The following SRBD1 variants were observed in gnomAD, a reference collection of about 807,000 sequenced individuals.
The protein encoded by SRBD1 is S1 RNA binding domain 1, also known as S1 RNA-binding domain-containing protein 1.
Under a neutral mutation model 115.3 loss-of-function variants are expected in SRBD1, and 88 were observed. The observed-to-expected ratio is 0.76, with a 90% CI of 0.64 to 0.91. SRBD1 has a LOEUF of 0.91. Among genes scored for constraint, SRBD1 ranks in the 40% least tolerant of loss-of-function variants. The pLI, the probability that SRBD1 is intolerant of heterozygous loss-of-function variation, is 0.00. For synonymous variants in SRBD1, 509 were observed against 407.7 expected (o/e 1.25, Z -2.99); for missense variants, 1,385 against 1,177.4 (o/e 1.18, Z -2.58).
intron 4 of SRBD1, among the ~76,000 whole-genome samples, chr2:45,598,779 A>T (rs1389091854): frequency 6.6e-6 from 1 of 151,968 alleles, no homozygotes; most frequent in Non-Finnish European, 1.5e-5. Flanking sequence ...ATAGAATCAC[A>T]TGGGACAGAT....
intron 4 of SRBD1, among the ~76,000 whole-genome samples, chr2:45,589,070 T>C (rs557252581): frequency 7.9e-5 from 12 of 152,326 alleles, no homozygotes; most frequent in East Asian, 1.9e-4. Flanking sequence ...AATAGCATCT[T>C]TGATCTGAAC....
At chr2:45,394,534 A>C (rs1472153913) in intron 19 of SRBD1, among the ~76,000 whole-genome samples, 1 of 152,238 alleles carries the variant, frequency 6.6e-6, no homozygotes, top group Non-Finnish European at 1.5e-5. Flanking sequence ...GTCTATAATC[A>C]GAATGGGGAT....
At chr2:45,535,490 C>T (rs957927590) in intron 14 of SRBD1, among the ~76,000 whole-genome samples, 2 of 152,058 alleles carry the variant, frequency 1.3e-5, no homozygotes, top group South Asian at 2.1e-4. Context: ...ATCTATACAA[C>T]CTATTTTATT....
At chr2:45,569,441 GCCTCAGGGT>G (rs1166540661) in intron 9 of SRBD1, 1 of 152,180 alleles carries the variant, frequency 6.6e-6, no homozygotes, top group African/African-American at 2.4e-5. Context: ...CAATCCTCCT[GCCTCAGGGT>G]CCTGAGTAGC....
chr2:45,550,224 A>G (rs7581063), intron 12 of SRBD1, among the ~76,000 whole-genome samples: 7,418 of 152,158 alleles, frequency 0.049, 623 homozygotes, highest in African/African-American at 0.17. Context: ...AATAAACAAA[A>G]AGGAGAGAAG....
chr2:45,524,000 A>T (rs6544824), intron 14 of SRBD1, among the ~76,000 whole-genome samples: 142,313 of 152,102 alleles, frequency 0.94, 66,758 homozygotes, highest in African/African-American at 0.99. Flanking sequence ...TGATTCAACA[A>T]CCAAAAATCA....
intron 19 of SRBD1, 82 bp from the exon 20 acceptor site, chr2:45,393,211 C>A (rs1344709802): frequency 4.3e-6 from 6 of 1,387,050 alleles, no homozygotes; most frequent in Non-Finnish European, 3.8e-6. Flanking sequence ...CCCTAAAATT[C>A]ATTCATCTTA....
At chr2:45,530,392 T>C (rs904286421) in intron 14 of SRBD1, among the ~76,000 whole-genome samples, 5 of 151,906 alleles carry the variant, frequency 3.3e-5, no homozygotes, top group African/African-American at 1.2e-4. Context: ...CTAAATTACG[T>C]AGGATACACA....
Position 45,495,804 on chromosome 2 carries a change from C to T in SRBD1, c.1875-7473G>A, listed in dbSNP as rs148053427. ...ATAAACATTCCAGGTTCACTGCTAA[C>T]AAGATACAAAACCTAAGGGGGCAGG... On this transcript the variant is annotated intron_variant, in intron 14 of 20. Transcript: ENST00000263736. Among the ~76,000 whole-genome samples the T allele has an allele frequency of 4.8e-3, 724 of 152,238 alleles. 5 individuals are homozygous for T. The highest frequency in any genetic ancestry group is 0.016 in the African/African-American group (680 of 41,550).
chr2:45,533,345 TAC>T (rs1671670957), intron 14 of SRBD1, among the ~76,000 whole-genome samples: 1 of 152,032 alleles, frequency 6.6e-6, no homozygotes, highest in Non-Finnish European at 1.5e-5. Flanking sequence ...GGACCCTATC[TAC>T]AGAGATGGTT....
intron 14 of SRBD1, among the ~76,000 whole-genome samples, chr2:45,518,787 A>G (rs1458501288): frequency 6.6e-6 from 1 of 152,162 alleles, no homozygotes; most frequent in Non-Finnish European, 1.5e-5. Context: ...CTCTTCAAAC[A>G]CAAATATCTA....
At chr2:45,467,831 T>TAC (rs1250404843) in intron 16 of SRBD1, among the ~76,000 whole-genome samples, 3 of 152,098 alleles carry the variant, frequency 2.0e-5, no homozygotes, top group Non-Finnish European at 2.9e-5. Context: ...AACACACATG[T>TAC]ACACACACAC....
At chr2:45,505,098 A>G (rs1288745670) in intron 14 of SRBD1, among the ~76,000 whole-genome samples, 1 of 152,190 alleles carries the variant, frequency 6.6e-6, no homozygotes, top group Admixed American at 6.5e-5. Flanking sequence ...TCAAAAATAA[A>G]TGAACTGTAC....
At chr2:45,419,973 G>T in intron 16 of SRBD1, 79 bp from the exon 17 acceptor site, 3 of 1,259,846 alleles carry the variant, frequency 2.4e-6, no homozygotes, top group South Asian at 2.4e-5. Context: ...CTATATTACT[G>T]GTGGTTAGCT....
intron 4 of SRBD1, among the ~76,000 whole-genome samples, chr2:45,591,298 G>C (rs976800823): frequency 5.9e-5 from 9 of 152,168 alleles, no homozygotes; most frequent in African/African-American, 1.9e-4. Flanking sequence ...CAGCAGAAGA[G>C]GACAGCTTTG....
intron 17 of SRBD1, among the ~76,000 whole-genome samples, chr2:45,419,217 C>T (rs1263355686): frequency 6.6e-6 from 1 of 152,092 alleles, no homozygotes; most frequent in Non-Finnish European, 1.5e-5. Flanking sequence ...GAAAACGGTC[C>T]AGATCAGGGA....
At chr2:45,499,126 T>A (rs1218077145) in intron 14 of SRBD1, among the ~76,000 whole-genome samples, 1 of 152,182 alleles carries the variant, frequency 6.6e-6, no homozygotes, top group African/African-American at 2.4e-5. Context: ...AGTGTATGAG[T>A]GTTCACATTT....
intron 18 of SRBD1, among the ~76,000 whole-genome samples, chr2:45,415,670 AGGG>A (rs1436555057): frequency 3.9e-4 from 15 of 38,676 alleles, no homozygotes; most frequent in African/African-American, 7.5e-4. Context: ...AGGGGAGGGG[AGGG>A]GAGGGGAGGG....
At chr2:45,393,475 G>A (rs967861675) in intron 19 of SRBD1, among the ~76,000 whole-genome samples, 2 of 152,138 alleles carry the variant, frequency 1.3e-5, no homozygotes, top group African/African-American at 4.8e-5. Flanking sequence ...CCGCCTCCTG[G>A]GTTCACGCCA....
Sources: allele counts gnomAD v4.1 joint callset (sites outside exome capture counted in the v4.1 genomes callset), GRCh38; gene constraint gnomAD v4.1.1; transcripts MANE v1.5; gene names NCBI Gene and HGNC (gene_info 2026-07-23, HGNC 2026-07-21).